Variants in PCDH9 observed in about 807,000 individuals in gnomAD.
The protein encoded by PCDH9 is protocadherin-9.
Under a neutral mutation model 70.6 loss-of-function variants are expected in PCDH9, and 24 were observed. The ratio of observed to expected loss-of-function variants is 0.34; its 90% CI spans 0.25 to 0.48. The LOEUF is 0.48. PCDH9 is among the 20% of genes least tolerant of loss of function. The pLI, the probability that PCDH9 is intolerant of heterozygous loss-of-function variation, is 0.99. For synonymous variants in PCDH9, 562 were observed against 558.5 expected, an observed-to-expected ratio of 1.01 and a Z score of -0.09; for missense variants, 1,281 against 1,503.6, an observed-to-expected ratio of 0.85 and a Z score of 2.45.
chr13:66,949,051 TAAAAC>T (rs1200484541), intron 2 of PCDH9, among the ~76,000 whole-genome samples: 1 of 152,104 alleles, frequency 6.6e-6, no homozygotes, highest in Non-Finnish European at 1.5e-5. Flanking sequence ...TTTCATTTGA[TAAAAC>T]AAGTAGGCGT....
intron 3 of PCDH9, among the ~76,000 whole-genome samples, chr13:66,787,782 C>T (rs549819259): frequency 1.1e-4 from 17 of 152,110 alleles, no homozygotes; most frequent in Non-Finnish European, 2.4e-4. Flanking sequence ...AATCAGTTGG[C>T]GACCCAGTGC....
At chr13:66,672,939 T>A (rs1364028071) in intron 3 of PCDH9, among the ~76,000 whole-genome samples, 2 of 152,118 alleles carry the variant, frequency 1.3e-5, no homozygotes, top group Non-Finnish European at 2.9e-5. Context: ...AGCTCATAGG[T>A]GGAAAGGACT....
chr13:66,871,048 C>T (rs1406760850), intron 3 of PCDH9, among the ~76,000 whole-genome samples: 1 of 152,020 alleles, frequency 6.6e-6, no homozygotes, highest in Non-Finnish European at 1.5e-5. Flanking sequence ...CCATGGAATA[C>T]TATGCAGCCA....
chr13:66,450,492 T>G (rs1958183463), intron 4 of PCDH9, among the ~76,000 whole-genome samples: 1 of 152,072 alleles, frequency 6.6e-6, no homozygotes, highest in Non-Finnish European at 1.5e-5. Flanking sequence ...GATTAAGCAT[T>G]TAGAGTGACA....
chr13:66,700,540 A>G (rs2078624317), intron 3 of PCDH9, among the ~76,000 whole-genome samples: 1 of 152,186 alleles, frequency 6.6e-6, no homozygotes, highest in Non-Finnish European at 1.5e-5. Flanking sequence ...TGAAAAGACC[A>G]CAAGAATTCT....
intron 3 of PCDH9, among the ~76,000 whole-genome samples, chr13:66,760,233 C>T (rs915775905): frequency 1.3e-5 from 2 of 152,072 alleles, no homozygotes; most frequent in African/African-American, 4.8e-5. Context: ...TATTAAAACT[C>T]CCTTTTATGT....
chr13:66,631,730 T>A (rs572922162), intron 3 of PCDH9, among the ~76,000 whole-genome samples: 74 of 152,288 alleles, frequency 4.9e-4, no homozygotes, highest in African/African-American at 1.6e-3. Context: ...AGAAAAAAAT[T>A]AAATAAGATG....
At chr13:66,742,872 A>G (rs2079289748) in intron 3 of PCDH9, among the ~76,000 whole-genome samples, 1 of 142,016 alleles carries the variant, frequency 7.0e-6, no homozygotes, top group African/African-American at 2.6e-5. Flanking sequence ...GTGGAGAAAT[A>G]GGAACACTTT....
intron 4 of PCDH9, among the ~76,000 whole-genome samples, chr13:66,479,907 C>G (rs1301033311): frequency 6.6e-6 from 1 of 152,182 alleles, no homozygotes; most frequent in Non-Finnish European, 1.5e-5. Flanking sequence ...GCTGACCACC[C>G]CAGCCGGCAG....
At chr13:66,358,696 C>A (rs948249587) in intron 4 of PCDH9, among the ~76,000 whole-genome samples, 1 of 151,908 alleles carries the variant, frequency 6.6e-6, no homozygotes, top group Non-Finnish European at 1.5e-5. Context: ...GTCTCCTCCA[C>A]ATAAAATAAG....
At chr13:67,101,523 A>ATG (rs540198977) in intron 2 of PCDH9, among the ~76,000 whole-genome samples, 2 of 152,316 alleles carry the variant, frequency 1.3e-5, no homozygotes, top group East Asian at 1.9e-4. Context: ...GGTTTGTTAT[A>ATG]TGTGTGTGTG....
At chr13:66,965,811 A>G (rs978021220) in intron 2 of PCDH9, among the ~76,000 whole-genome samples, 2 of 152,044 alleles carry the variant, frequency 1.3e-5, no homozygotes, top group Non-Finnish European at 2.9e-5. Flanking sequence ...TGTCAGCTAT[A>G]GTAATTGCAT....
At chr13:66,887,047 A>G (rs1840125001) in intron 3 of PCDH9, among the ~76,000 whole-genome samples, 1 of 87,220 alleles carries the variant, frequency 1.1e-5, no homozygotes, top group Non-Finnish European at 3.0e-5. Flanking sequence ...ACACACACAC[A>G]CACACACACA....
chr13:66,820,871 G>C (rs1281185567), intron 3 of PCDH9, among the ~76,000 whole-genome samples: 1 of 152,030 alleles, frequency 6.6e-6, no homozygotes, highest in African/African-American at 2.4e-5. Context: ...AAATGATTAC[G>C]AAAAATAACT....
At chr13:67,204,475 T>A (rs988325766) in intron 2 of PCDH9, 1 of 152,170 alleles carries the variant, frequency 6.6e-6, no homozygotes, top group African/African-American at 2.4e-5. Context: ...AATCCTCTCA[T>A]GTCATTCCTC....
chr13:66,638,555 G>A (rs1394522231), intron 3 of PCDH9, among the ~76,000 whole-genome samples: 1 of 152,112 alleles, frequency 6.6e-6, no homozygotes, highest in Non-Finnish European at 1.5e-5. Context: ...TGTGAATTTT[G>A]CATGTCTTAA....
intron 3 of PCDH9, among the ~76,000 whole-genome samples, chr13:66,758,907 C>A (rs996091884): frequency 1.3e-5 from 2 of 151,938 alleles, no homozygotes; most frequent in African/African-American, 2.4e-5. Context: ...AATTTGTTGG[C>A]AGGTAATTGT....
intron 4 of PCDH9, among the ~76,000 whole-genome samples, chr13:66,572,065 T>A (rs2076740452): frequency 6.6e-6 from 1 of 152,116 alleles, no homozygotes. Flanking sequence ...AACTTATGAC[T>A]CTTTTTCACC....
intron 2 of PCDH9, among the ~76,000 whole-genome samples, chr13:67,144,599 C>G (rs930906230): frequency 9.2e-5 from 14 of 152,080 alleles, no homozygotes; most frequent in Admixed American, 3.3e-4. Context: ...GTAAAAATGT[C>G]AAGGATCCTA....
Sources: allele counts gnomAD v4.1 joint callset (sites outside exome capture counted in the v4.1 genomes callset), GRCh38; gene constraint gnomAD v4.1.1; transcripts MANE v1.5; gene names NCBI Gene and HGNC (gene_info 2026-07-23, HGNC 2026-07-21).